GAD2: variants seen among roughly 807,000 people sequenced by gnomAD.
The protein encoded by GAD2 is glutamate decarboxylase 2.
A neutral mutation model predicts 80.1 loss-of-function variants in GAD2; 22 were observed. That is an observed-to-expected ratio of 0.27 (90% confidence interval 0.20 to 0.39). GAD2 has a LOEUF of 0.39. Ranked by LOEUF, GAD2 falls within the 10% of genes least tolerant of loss-of-function variation. The pLI is 1.00. For synonymous variants in GAD2, 274 were observed against 256.9 expected (o/e 1.07, Z -0.64); for missense variants, 624 against 738.4 (o/e 0.85, Z 1.80).
At chr10:26,259,112 C>T (rs1844978752) in intron 8 of GAD2, among the ~76,000 whole-genome samples, 1 of 152,174 alleles carries the variant, frequency 6.6e-6, no homozygotes, top group Non-Finnish European at 1.5e-5. Flanking sequence ...GCCACTGTGC[C>T]CAGCCTTACT....
At chr10:26,246,356 G>GT (rs1266392393) in intron 8 of GAD2, among the ~76,000 whole-genome samples, 1 of 152,170 alleles carries the variant, frequency 6.6e-6, no homozygotes, top group Non-Finnish European at 1.5e-5. Flanking sequence ...CATAGATAGT[G>GT]TAAGCTTGAT....
intron 8 of GAD2, among the ~76,000 whole-genome samples, chr10:26,268,758 TA>T (rs777285701): frequency 4.6e-5 from 7 of 152,222 alleles, no homozygotes; most frequent in African/African-American, 1.7e-4. Context: ...AGGTTTGGAA[TA>T]AAAAGGTTTC....
chr10:26,291,083 C>T (rs995508077), intron 13 of GAD2, among the ~76,000 whole-genome samples: 1 of 152,222 alleles, frequency 6.6e-6, no homozygotes, highest in Non-Finnish European at 1.5e-5. Flanking sequence ...CCCATCTGAT[C>T]AGAGAGTTGG....
In GAD2 at chr10:26,302,081, A is replaced by G. The variant is rs3781106; in HGVS notation, c.*1120A>G. The stretch of plus-strand genomic sequence containing the variant: ...ATTAAAGTTGGCCTTGGGAGAAGAG[A>G]TCTCTGTGGGACAATAATGACATCA... On this transcript the variant is annotated 3_prime_UTR_variant, in exon 16 of 16. Transcript: ENST00000376261. The G allele has an allele frequency of 0.22, 34,134 of 152,014 alleles. 4,188 individuals carry two copies. Among genetic ancestry groups the G allele is most frequent in the African/African-American group, 0.32 (13,074 of 41,444 alleles). 9.4% of individuals were successfully genotyped at this position (152,014 alleles called of 1,614,324 possible).
chr10:26,284,140 A>G (rs1011669368), intron 12 of GAD2, among the ~76,000 whole-genome samples: 9 of 152,202 alleles, frequency 5.9e-5, no homozygotes, highest in African/African-American at 2.2e-4. Flanking sequence ...AGACTTTATG[A>G]TGCTCTGACA....
chr10:26,227,590 C>T (rs1026726342), intron 6 of GAD2, among the ~76,000 whole-genome samples: 1 of 152,208 alleles, frequency 6.6e-6, no homozygotes, highest in African/African-American at 2.4e-5. Flanking sequence ...TTTTGCTCCC[C>T]ACAAGGGACA....
chr10:26,252,377 C>CT, intron 8 of GAD2, among the ~76,000 whole-genome samples: 1 of 151,974 alleles, frequency 6.6e-6, no homozygotes, highest in South Asian at 2.1e-4. Flanking sequence ...AGGTCTCACT[C>CT]TGTCACCCAG....
chr10:26,300,766 G>T, intron 15 of GAD2, 22 bp from the exon 16 acceptor site: 1 of 1,606,924 alleles, frequency 6.2e-7, no homozygotes, highest in South Asian at 1.1e-5. Context: ...AAGTCACCAT[G>T]CTGATATGGT....
At chr10:26,275,562 A>G (rs1171280366) in intron 11 of GAD2, among the ~76,000 whole-genome samples, 2 of 152,176 alleles carry the variant, frequency 1.3e-5, no homozygotes, top group Non-Finnish European at 2.9e-5. Context: ...CTGGTGTTCC[A>G]CTCTGAGCAG....
intron 7 of GAD2, among the ~76,000 whole-genome samples, chr10:26,231,377 T>G (rs1844600129): frequency 6.6e-6 from 1 of 152,196 alleles, no homozygotes. Flanking sequence ...TGTCTGTCTC[T>G]GTGTGTGTCT....
chr10:26,277,298 T>C (rs967762439), intron 11 of GAD2, among the ~76,000 whole-genome samples: 1 of 152,200 alleles, frequency 6.6e-6, no homozygotes, highest in Non-Finnish European at 1.5e-5. Context: ...GGGTGGAAAG[T>C]GCAGAAGTCT....
chr10:26,293,990 G>A (rs907914674), intron 15 of GAD2, among the ~76,000 whole-genome samples: 4 of 152,224 alleles, frequency 2.6e-5, no homozygotes, highest in African/African-American at 9.6e-5. Context: ...TGGTACTGTG[G>A]TAAGACACCA....
intron 8 of GAD2, among the ~76,000 whole-genome samples, chr10:26,259,265 T>C (rs1046171620): frequency 2.0e-5 from 3 of 152,248 alleles, no homozygotes; most frequent in African/African-American, 7.2e-5. Context: ...TTTAATTTTT[T>C]GAGGAACCAT....
intron 13 of GAD2, 62 bp downstream of exon 13, chr10:26,286,556 T>C (rs1845335691): frequency 2.1e-6 from 3 of 1,450,550 alleles, no homozygotes; most frequent in African/African-American, 1.5e-5. Flanking sequence ...GGTGACCCCA[T>C]TATGAAATGT....
At chr10:26,246,419 C>A (rs1290616067) in intron 8 of GAD2, among the ~76,000 whole-genome samples, 2 of 152,124 alleles carry the variant, frequency 1.3e-5, no homozygotes, top group African/African-American at 4.8e-5. Context: ...AAATAAAGCA[C>A]CAGCAACTCA....
rs1053995863 is a variant in GAD2, at chr10:26,263,321, T to C, written c.921-5798T>C. ...ACTATGTATTTGGATTCACTATTTA[T>C]AGCAAATAGGAAGTTCACTATTTAT... is the stretch of plus-strand genomic sequence containing the variant. On this transcript the variant is annotated intron_variant, in intron 8 of 15. Transcript: ENST00000376261. Among the ~76,000 whole-genome samples, 10 of 152,222 alleles carry C rather than the reference T, an allele frequency of 6.6e-5. 1 individual carries two copies. The highest frequency in any genetic ancestry group is 2.4e-4 in the African/African-American group (10 of 41,444).
chr10:26,219,939 G>A (rs1844432614), intron 4 of GAD2, among the ~76,000 whole-genome samples: 2 of 152,108 alleles, frequency 1.3e-5, no homozygotes, highest in Non-Finnish European at 2.9e-5. Flanking sequence ...AGGGGGGGAG[G>A]GGCAAATCAG....
chr10:26,300,504 T>C (rs1420149200), intron 15 of GAD2, among the ~76,000 whole-genome samples: 4 of 152,084 alleles, frequency 2.6e-5, no homozygotes, highest in Non-Finnish European at 5.9e-5. Context: ...CAATACTAGA[T>C]TCATCCCATC....
At chr10:26,252,231 G>T (rs984729552) in intron 8 of GAD2, among the ~76,000 whole-genome samples, 4 of 152,204 alleles carry the variant, frequency 2.6e-5, no homozygotes, top group African/African-American at 9.7e-5. Flanking sequence ...TCTGCAGACA[G>T]TTGAAGGTTC....
Sources: gnomAD v4.1 joint callset for allele counts (sites outside exome capture counted in the v4.1 genomes callset) on GRCh38, gnomAD v4.1.1 for gene constraint, MANE v1.5 for transcripts, NCBI Gene and HGNC (gene_info 2026-07-23, HGNC 2026-07-21) for gene names.